The following FHAD1 variants were observed in gnomAD, a reference collection of about 807,000 sequenced individuals.
The protein encoded by FHAD1 is forkhead-associated domain-containing protein 1.
Under a neutral mutation model 191.3 loss-of-function variants are expected in FHAD1, and 146 were observed. That is an observed-to-expected ratio of 0.76 (90% CI 0.67 to 0.88). The LOEUF is 0.88. Among genes scored for constraint, FHAD1 ranks in the 40% least tolerant of loss-of-function variants. FHAD1 has a pLI of 0.00. For synonymous variants in FHAD1, 616 were observed against 672.3 expected (o/e 0.92, Z 1.29); for missense variants, 1,635 against 1,785.8 (o/e 0.92, Z 1.52).
chr1:15,250,269 G>A (rs762281104), intron 1 of FHAD1, among the ~76,000 whole-genome samples: 5 of 152,216 alleles, frequency 3.3e-5, no homozygotes, highest in Non-Finnish European at 7.3e-5. Flanking sequence ...TTCAAGCATC[G>A]AGATGAATTA....
At chr1:15,379,821 A>C (rs910650108) in intron 28 of FHAD1, among the ~76,000 whole-genome samples, 2 of 152,214 alleles carry the variant, frequency 1.3e-5, no homozygotes, top group African/African-American at 4.8e-5. Context: ...TGAGTTTGAC[A>C]CAGCACATGT....
At chr1:15,297,362 A>G (rs1005758232) in intron 5 of FHAD1, among the ~76,000 whole-genome samples, 6 of 152,220 alleles carry the variant, frequency 3.9e-5, no homozygotes, top group African/African-American at 1.2e-4. Context: ...CAACCTGAAA[A>G]TTATATGATA....
At chr1:15,286,010 A>G in intron 3 of FHAD1, among the ~76,000 whole-genome samples, 1 of 152,252 alleles carries the variant, frequency 6.6e-6, no homozygotes, top group Non-Finnish European at 1.5e-5. Flanking sequence ...ATTCATAGAA[A>G]TAGAAGGGGA....
chr1:15,274,105 T>A (rs1395739829), intron 3 of FHAD1, among the ~76,000 whole-genome samples: 1 of 152,232 alleles, frequency 6.6e-6, no homozygotes, highest in Admixed American at 6.5e-5. Flanking sequence ...GAATGCTCCC[T>A]TGTATGAGAG....
In FHAD1 at chr1:15,274,772, G is replaced by A. The variant is rs78371546; in HGVS notation, c.300+2243G>A. On this transcript the variant is annotated intron_variant, in intron 3 of 33. Coordinates refer to ENST00000688493, the MANE Select transcript of FHAD1 (RefSeq NM_001391957.1). ...TTTAATGCAACAGCCTAGGGCATGG[G>A]CTCTCTCATGATCCCCATTTTGCAG... Among the ~76,000 whole-genome samples, 928 of 152,258 alleles carry A rather than the reference G, an allele frequency of 6.1e-3. 43 individuals are homozygous for A. In the East Asian group the frequency reaches 0.095, roughly 16 times the overall value.
intron 14 of FHAD1, among the ~76,000 whole-genome samples, chr1:15,333,824 C>CTTTTTT (rs55698715): frequency 3.1e-5 from 2 of 64,802 alleles, no homozygotes; most frequent in African/African-American, 1.2e-4. Flanking sequence ...TTTTATTTAT[C>CTTTTTT]TTTTTTTTTT....
Position 15,256,432 on chromosome 1 carries a change from C to T in FHAD1, c.93+4555C>T, listed in dbSNP as rs185313948. Among the ~76,000 whole-genome samples, 235 of 152,126 alleles carry T rather than the reference C, an allele frequency of 1.5e-3. 3 individuals carry two copies. Among genetic ancestry groups the T allele is most frequent in the Admixed American group, 0.013 (195 of 15,276 alleles). ...CTTTGGGAGGCCGAGGCGGGCGGAT[C>T]ACTTGAGGTCAGGAGTTCGAGACCA... is the stretch of plus-strand genomic sequence containing the variant. On this transcript the variant is annotated intron_variant, in intron 2 of 33. Coordinates refer to ENST00000688493, the MANE Select transcript of FHAD1 (RefSeq NM_001391957.1).
chr1:15,392,549 C>T (rs1231754575), intron 33 of FHAD1, among the ~76,000 whole-genome samples: 1 of 152,018 alleles, frequency 6.6e-6, no homozygotes, highest in African/African-American at 2.4e-5. Context: ...AAAAAGTTTC[C>T]TCCAGGTTCC....
chr1:15,335,348 T>C (rs939033158), intron 14 of FHAD1: 2 of 152,258 alleles, frequency 1.3e-5, no homozygotes, highest in Admixed American at 1.3e-4. Context: ...GTCGTTTGTG[T>C]CTATTTCTGC....
At chr1:15,369,667 C>T (rs1558252824) in intron 26 of FHAD1, among the ~76,000 whole-genome samples, 165 bp downstream of exon 26, 2 of 152,244 alleles carry the variant, frequency 1.3e-5, no homozygotes, top group Non-Finnish European at 2.9e-5. Flanking sequence ...TAGTCACAGT[C>T]ACCAGAGGTC....
intron 1 of FHAD1, among the ~76,000 whole-genome samples, chr1:15,251,532 C>T (rs1646776921): frequency 7.4e-6 from 1 of 135,616 alleles, no homozygotes; most frequent in Non-Finnish European, 1.7e-5. Context: ...GAAATGCCCT[C>T]TGTTTGATTA....
rs527648613 is a variant in FHAD1 at position 15,343,180 on chromosome 1, AC to A, written c.2130+1293del. On this transcript the variant is annotated intron_variant, in intron 16 of 33. Coordinates refer to ENST00000688493, the MANE Select transcript of FHAD1 (RefSeq NM_001391957.1). Reference sequence around the variant, plus strand: ...TTTGTCATTTAGGAGATTAAAAATTACTAATGCCTTGCACCTCTCCCCGCCG... The same window carrying A: ...TTTGTCATTTAGGAGATTAAAAATTATAATGCCTTGCACCTCTCCCCGCCG... Among the ~76,000 whole-genome samples the A allele has an allele frequency of 4.8e-4, 73 of 152,232 alleles. No individual in the cohort carries two copies. In the East Asian group the frequency reaches 0.014, roughly 29 times the overall value.
intron 1 of FHAD1, among the ~76,000 whole-genome samples, chr1:15,248,620 C>T (rs1019390494): frequency 7.4e-5 from 11 of 149,590 alleles, no homozygotes; most frequent in Non-Finnish European, 1.6e-4. Flanking sequence ...CTTGCTCTGT[C>T]TCCCAAGCTA....
chr1:15,298,080 C>T (rs1035184841), intron 5 of FHAD1, among the ~76,000 whole-genome samples: 2 of 152,130 alleles, frequency 1.3e-5, no homozygotes, highest in African/African-American at 4.8e-5. Context: ...CTTGCACATG[C>T]CTGTTAATAG....
intron 26 of FHAD1, among the ~76,000 whole-genome samples, chr1:15,371,690 T>A (rs1698145417): frequency 6.6e-6 from 1 of 152,158 alleles, no homozygotes; most frequent in Non-Finnish European, 1.5e-5. Context: ...TTCCAGGTTG[T>A]TTACTGCCGG....
In FHAD1 at chr1:15,345,538, A is replaced by G; in HGVS notation, c.2346+15A>G. 3.2e-6 allele frequency: 5 copies of G among 1,547,772 alleles called. No individual in the cohort carries two copies. Among genetic ancestry groups the G allele is most frequent in the South Asian group, 1.2e-5 (1 of 83,974 alleles). ...GCCAGAAGGAGGTACGCTCGGGGAG[A>G]TAGAGTCGGCTGAGCCCCAGTCGGC... On this transcript the variant is annotated intron_variant, in intron 18 of 33. Transcript: ENST00000688493.
At chr1:15,314,214 T>C (rs1673230747) in intron 8 of FHAD1, among the ~76,000 whole-genome samples, 1 of 152,158 alleles carries the variant, frequency 6.6e-6, no homozygotes, top group Non-Finnish European at 1.5e-5. Context: ...ACCTAACAGC[T>C]TTCATCTCAG....
chr1:15,344,323 T>C (rs1687996757), intron 16 of FHAD1, among the ~76,000 whole-genome samples: 1 of 152,216 alleles, frequency 6.6e-6, no homozygotes, highest in Non-Finnish European at 1.5e-5. Flanking sequence ...GAGGACTTTG[T>C]TTCAAAGGGA....
intron 16 of FHAD1, among the ~76,000 whole-genome samples, 173 bp from the exon 17 acceptor site, chr1:15,344,910 A>G (rs925016769): frequency 2.0e-5 from 3 of 152,024 alleles, no homozygotes; most frequent in African/African-American, 7.2e-5. Flanking sequence ...CTGGGGCTCT[A>G]CCCTGGGTCT....
Sources: gnomAD v4.1 joint callset for allele counts (sites outside exome capture counted in the v4.1 genomes callset) on GRCh38, gnomAD v4.1.1 for gene constraint, MANE v1.5 for transcripts, NCBI Gene and HGNC (gene_info 2026-07-23, HGNC 2026-07-21) for gene names.